CSMD3: variants seen among roughly 807,000 people sequenced by gnomAD.
CSMD3 encodes the protein CUB and Sushi multiple domains 3.
In CSMD3, 177 loss-of-function variants were observed where a neutral mutation model predicts 435.2. The observed-to-expected ratio is 0.41, with a 90% confidence interval of 0.36 to 0.46. The LOEUF (loss-of-function observed/expected upper bound fraction) is 0.46, where lower values mean the gene tolerates loss of function less well. CSMD3 is among the 20% of genes least tolerant of loss of function. CSMD3 has a pLI of 0.34. For synonymous variants in CSMD3, 1,656 were observed against 1,520.5 expected, an observed-to-expected ratio of 1.09 and a Z score of -2.07; for missense variants, 4,265 against 4,504.6, an observed-to-expected ratio of 0.95 and a Z score of 1.52.
intron 5 of CSMD3, among the ~76,000 whole-genome samples, chr8:113,035,251 A>C (rs896089746): frequency 1.3e-5 from 2 of 152,046 alleles, no homozygotes. Flanking sequence ...GGAGGAATAC[A>C]AACTTTGTCA....
At chr8:113,158,075 C>T (rs1485899236) in intron 4 of CSMD3, among the ~76,000 whole-genome samples, 4 of 150,608 alleles carry the variant, frequency 2.7e-5, no homozygotes, top group African/African-American at 7.3e-5. Flanking sequence ...TCAAAAATAC[C>T]CAGAATAGAA....
At chr8:112,724,546 G>A (rs2076925494) in intron 13 of CSMD3, among the ~76,000 whole-genome samples, 1 of 152,026 alleles carries the variant, frequency 6.6e-6, no homozygotes, top group African/African-American at 2.4e-5. Context: ...AGAAGACTAG[G>A]GAAAGCAGTT....
chr8:112,579,401 T>C (rs374248731), intron 23 of CSMD3, among the ~76,000 whole-genome samples: 32 of 152,006 alleles, frequency 2.1e-4, no homozygotes, highest in Non-Finnish European at 4.4e-4. Flanking sequence ...TGTGATGTCA[T>C]TGAATGTGGA....
intron 32 of CSMD3, among the ~76,000 whole-genome samples, chr8:112,418,038 CT>C (rs1204878453): frequency 8.5e-5 from 13 of 152,126 alleles, no homozygotes; most frequent in Non-Finnish European, 1.6e-4. Flanking sequence ...TGTATCACCC[CT>C]GTTTTGCTCA....
At chr8:112,968,380 T>C (rs533772340) in intron 7 of CSMD3, among the ~76,000 whole-genome samples, 2 of 152,022 alleles carry the variant, frequency 1.3e-5, no homozygotes, top group East Asian at 1.9e-4. Flanking sequence ...CTTTAGTGAT[T>C]TCTAAATACC....
At chr8:113,005,170 C>T (rs2086010706) in intron 6 of CSMD3, among the ~76,000 whole-genome samples, 1 of 151,822 alleles carries the variant, frequency 6.6e-6, no homozygotes, top group Non-Finnish European at 1.5e-5. Context: ...ACTACTGAGT[C>T]ATTTGGTAAA....
At chr8:112,572,923 C>T (rs1373924087) in intron 24 of CSMD3, among the ~76,000 whole-genome samples, 1 of 147,832 alleles carries the variant, frequency 6.8e-6, no homozygotes, top group African/African-American at 2.5e-5. Flanking sequence ...GAAACCCACC[C>T]TACCCCTGGT....
chr8:112,981,280 T>G (rs2130963230), intron 6 of CSMD3, among the ~76,000 whole-genome samples: 1 of 151,578 alleles, frequency 6.6e-6, no homozygotes, highest in South Asian at 2.1e-4. Context: ...TCTGAGAGGT[T>G]AAAGTAAAAA....
At chr8:112,783,784 G>C (rs992112845) in intron 13 of CSMD3, among the ~76,000 whole-genome samples, 4 of 151,390 alleles carry the variant, frequency 2.6e-5, no homozygotes, top group Non-Finnish European at 5.9e-5. Flanking sequence ...AAAAAAGCAG[G>C]AGTGGCTATA....
At chr8:112,948,671 A>G (rs1220164429) in intron 8 of CSMD3, among the ~76,000 whole-genome samples, 3 of 151,954 alleles carry the variant, frequency 2.0e-5, no homozygotes, top group Admixed American at 2.0e-4. Context: ...GAACTGGAGG[A>G]TAAATTCTAT....
chr8:112,942,260 C>T (rs111373259), intron 9 of CSMD3, among the ~76,000 whole-genome samples: 5,039 of 148,462 alleles, frequency 0.034, 144 homozygotes, highest in Middle Eastern at 0.053. Context: ...AAACTGTCAA[C>T]GGCTGGCATG....
chr8:113,060,858 A>C (rs538534786), intron 5 of CSMD3, among the ~76,000 whole-genome samples: 7 of 152,278 alleles, frequency 4.6e-5, no homozygotes, highest in African/African-American at 1.7e-4. Flanking sequence ...GGAAATGTTA[A>C]ATGAAATGTC....
chr8:112,391,835 G>C (rs1273292380), intron 35 of CSMD3, among the ~76,000 whole-genome samples: 1 of 152,132 alleles, frequency 6.6e-6, no homozygotes. Context: ...TATGTATGCA[G>C]ACCTACTCAG....
At chr8:112,454,971 A>C (rs1015994384) in intron 32 of CSMD3, among the ~76,000 whole-genome samples, 15 of 152,046 alleles carry the variant, frequency 9.9e-5, no homozygotes, top group Non-Finnish European at 1.8e-4. Flanking sequence ...TCGAGGCTAC[A>C]GTGGTCAGTA....
intron 3 of CSMD3, among the ~76,000 whole-genome samples, chr8:113,195,482 C>T (rs2092640731): frequency 6.6e-6 from 1 of 150,636 alleles, no homozygotes; most frequent in Non-Finnish European, 1.5e-5. Context: ...AAATACAAGT[C>T]CAGTTAAACA....
At chr8:112,955,814 G>A (rs955630708) in intron 7 of CSMD3, among the ~76,000 whole-genome samples, 2 of 151,388 alleles carry the variant, frequency 1.3e-5, no homozygotes, top group Admixed American at 6.6e-5. Flanking sequence ...ATGCAATTAG[G>A]TTTTCTTCAT....
chr8:112,535,709 G>T (rs549074278), intron 27 of CSMD3, among the ~76,000 whole-genome samples: 1 of 152,074 alleles, frequency 6.6e-6, no homozygotes, highest in Non-Finnish European at 1.5e-5. Context: ...AGCCCGCATC[G>T]CCAAGTCGAT....
intron 6 of CSMD3, among the ~76,000 whole-genome samples, chr8:112,994,920 A>G (rs1359607705): frequency 1.3e-5 from 2 of 151,592 alleles, no homozygotes; most frequent in East Asian, 1.9e-4. Context: ...ATATTTGAAA[A>G]GACAAAATGG....
intron 6 of CSMD3, among the ~76,000 whole-genome samples, chr8:113,011,237 C>T (rs1052152270): frequency 4.0e-5 from 6 of 151,424 alleles, no homozygotes; most frequent in East Asian, 3.9e-4. Flanking sequence ...AAAACTGTAC[C>T]CCAATTCTAA....
Sources: gnomAD v4.1 joint callset for allele counts (sites outside exome capture counted in the v4.1 genomes callset) on GRCh38, gnomAD v4.1.1 for gene constraint, MANE v1.5 for transcripts, NCBI Gene and HGNC (gene_info 2026-07-23, HGNC 2026-07-21) for gene names.